Variants in ZC3H14 observed in about 807,000 individuals in gnomAD.
The protein encoded by ZC3H14 is zinc finger CCCH domain-containing protein 14.
In ZC3H14, 31 loss-of-function variants were observed where a neutral mutation model predicts 92.4. The observed-to-expected ratio is 0.34, with a 90% CI of 0.25 to 0.45. The LOEUF (loss-of-function observed/expected upper bound fraction) is 0.45, where lower values mean the gene tolerates loss of function less well. Among genes scored for constraint, ZC3H14 ranks in the 20% least tolerant of loss-of-function variants. The pLI, the probability that ZC3H14 is intolerant of heterozygous loss-of-function variation, is 1.00. For missense variants in ZC3H14, 781 were observed against 897.3 expected (o/e 0.87, Z 1.66); for synonymous variants, 321 against 300.9 (o/e 1.07, Z -0.69).
At position 88,624,898 on chromosome 14, in the gene ZC3H14, T is replaced by G; in HGVS notation, c.*13147T>G. On this transcript the variant is annotated 3_prime_UTR_variant, in exon 17 of 17. Coordinates refer to ENST00000251038, the MANE Select transcript of ZC3H14 (RefSeq NM_024824.5). ...ACACTCTGTGTAGCCTAGAAACAAC[T>G]AGAATAATTAACTGCAAACCTCAGG... 1 of 1,550,216 alleles carries G rather than the reference T, an allele frequency of 6.5e-7. No individual in the cohort carries two copies. The highest frequency in any genetic ancestry group is 8.7e-7 in the Non-Finnish European group (1 of 1,143,584).
At chr14:88,571,005 G>A in intron 3 of ZC3H14, 79 bp from the exon 4 acceptor site, 2 of 1,154,058 alleles carry the variant, frequency 1.7e-6, no homozygotes, top group Non-Finnish European at 2.4e-6. Context: ...TGAATATAAT[G>A]TCATAAATTT....
At chr14:88,563,485 G>A in intron 1 of ZC3H14, 166 bp from the exon 2 acceptor site, 13 of 1,518,770 alleles carry the variant, frequency 8.6e-6, no homozygotes, top group Non-Finnish European at 1.1e-5. Flanking sequence ...GGCTGGAGCT[G>A]GAGTGGGGTG....
chr14:88,602,752 C>T (rs550185858), intron 11 of ZC3H14, 76 bp from the exon 12 acceptor site: 212 of 1,469,010 alleles, frequency 1.4e-4, no homozygotes, highest in South Asian at 4.4e-4. Context: ...GATAGTTCTG[C>T]TGAAGAGCAC....
At position 88,571,199 on chromosome 14, in the gene ZC3H14, C is replaced by T. The variant is rs77998055; in HGVS notation, c.235+75C>T. 3,393 of 1,347,538 alleles carry T rather than the reference C, an allele frequency of 2.5e-3. 74 individuals carry two copies. The African/African-American group carries it at 0.042, about 17-fold the overall frequency. 83.5% of individuals were successfully genotyped at this position (1,347,538 alleles called of 1,614,324 possible). ...TTTGTTTCTTTCTAAAGTCATAGTG[C>T]TTTGGGAAAAACCCATCAATTTCAA... On this transcript the variant is annotated intron_variant, in intron 4 of 16. Coordinates refer to ENST00000251038, the MANE Select transcript of ZC3H14 (RefSeq NM_024824.5).
intron 2 of ZC3H14, among the ~76,000 whole-genome samples, chr14:88,565,759 T>A (rs2079485956): frequency 6.6e-6 from 1 of 152,118 alleles, no homozygotes; most frequent in Admixed American, 6.6e-5. Context: ...AGAATACTCC[T>A]TTTTCAACTG....
In ZC3H14 at chr14:88,620,713, T is replaced by C. The variant is rs1351287399; in HGVS notation, c.*8962T>C. The C allele has an allele frequency of 7.0e-7, 1 of 1,420,760 alleles. No individual in the cohort carries two copies. The highest frequency in any genetic ancestry group is 9.2e-7 in the Non-Finnish European group (1 of 1,085,940). The allele number at this position is 1,420,760 out of a possible 1,614,324, so 88.0% of individuals were successfully genotyped here. On this transcript the variant is annotated 3_prime_UTR_variant, in exon 17 of 17. Transcript: ENST00000251038. This position sits in a 1 kb window ranked among gnomAD's most constrained non-coding sequence, Gnocchi z 4.3. ...GAAAATTTTACAAATGGAAGTTAAA[T>C]CAAGTATATACTAGAAACTCTATTC...
At chr14:88,568,202 G>T (rs2079944360) in intron 3 of ZC3H14, 49 bp downstream of exon 3, 1 of 1,481,102 alleles carries the variant, frequency 6.8e-7, no homozygotes, top group Non-Finnish European at 9.4e-7. Context: ...GCACAAGCCT[G>T]AGTTGATATT....
intron 9 of ZC3H14, among the ~76,000 whole-genome samples, chr14:88,582,731 T>C (rs1157648693): frequency 6.6e-6 from 1 of 152,200 alleles, no homozygotes; most frequent in Non-Finnish European, 1.5e-5. Context: ...TGGTGTCAGG[T>C]ACCTTTGCTG....
chr14:88,609,674 AAC>A, intron 14 of ZC3H14, 36 bp from the exon 15 acceptor site: 1 of 1,611,762 alleles, frequency 6.2e-7, no homozygotes, highest in Non-Finnish European at 8.5e-7. Context: ...GGGTTTTCCA[AAC>A]AGATTGGAGA....
In ZC3H14 at chr14:88,618,170, G is replaced by C. The variant is rs2088065352; in HGVS notation, c.*6419G>C. The C allele has an allele frequency of 6.9e-7, 1 of 1,445,288 alleles. No individual in the cohort carries two copies. Among genetic ancestry groups the C allele is most frequent in the Non-Finnish European group, 9.7e-7 (1 of 1,035,984 alleles). 89.5% of individuals were successfully genotyped at this position (1,445,288 alleles called of 1,614,324 possible). A position where few individuals can be genotyped will look rare whatever the true frequency, so the allele number is the denominator to read the frequency against. Reference sequence around the variant, plus strand: ...GAATGGCTCTAACAGTTCAGAAATAGGATTTTCTAACTGGCCTTCAAAGTC... The same window carrying C: ...GAATGGCTCTAACAGTTCAGAAATACGATTTTCTAACTGGCCTTCAAAGTC... On this transcript the variant is annotated 3_prime_UTR_variant, in exon 17 of 17. Coordinates refer to ENST00000251038, the MANE Select transcript of ZC3H14 (RefSeq NM_024824.5).
At chr14:88,611,367 T>C (rs2086711390) in intron 16 of ZC3H14, among the ~76,000 whole-genome samples, 1 of 152,156 alleles carries the variant, frequency 6.6e-6, no homozygotes, top group East Asian at 1.9e-4. Flanking sequence ...AGTACCAGGA[T>C]TACAGGCATG....
intron 9 of ZC3H14, chr14:88,589,708 C>G (rs1270884978): frequency 2.0e-5 from 3 of 152,218 alleles, no homozygotes; most frequent in African/African-American, 7.2e-5. Flanking sequence ...TTTTTTCTCT[C>G]CTTCTCCTTT....
intron 9 of ZC3H14, chr14:88,591,091 A>G (rs1366356018): frequency 6.6e-6 from 1 of 152,220 alleles, no homozygotes; most frequent in Non-Finnish European, 1.5e-5. Context: ...GTATACCAAT[A>G]TATGTATTTT....
chr14:88,575,693 A>T, intron 7 of ZC3H14, 147 bp from the exon 8 acceptor site: 1 of 620,440 alleles, frequency 1.6e-6, no homozygotes, highest in Non-Finnish European at 2.8e-6. Context: ...AAAAAAAATA[A>T]GGTTCCAGTG....
chr14:88,584,979 G>A (rs983385287), intron 9 of ZC3H14, among the ~76,000 whole-genome samples: 1 of 152,132 alleles, frequency 6.6e-6, no homozygotes, highest in African/African-American at 2.4e-5. Flanking sequence ...AAAAATGTAT[G>A]AAGCTGCCAC....
intron 9 of ZC3H14, among the ~76,000 whole-genome samples, chr14:88,593,248 G>A (rs1184348010): frequency 2.0e-5 from 3 of 152,178 alleles, no homozygotes; most frequent in African/African-American, 7.2e-5. Context: ...TTACAGGCAT[G>A]AGTCACCACG....
chr14:88,570,645 T>C (rs2080266698), intron 3 of ZC3H14, among the ~76,000 whole-genome samples: 1 of 152,232 alleles, frequency 6.6e-6, no homozygotes, highest in South Asian at 2.1e-4. Flanking sequence ...ACATATTTTG[T>C]AGACTAAGAC....
chr14:88,626,874 G>A lies in ZC3H14; in HGVS notation c.*15123G>A. 1.2e-6 allele frequency: 2 copies of A among 1,613,838 alleles called. No homozygotes were observed. Among genetic ancestry groups the A allele is most frequent in the East Asian group, 2.2e-5 (1 of 44,870 alleles). On this transcript the variant is annotated 3_prime_UTR_variant, in exon 17 of 17. Coordinates refer to ENST00000251038, the MANE Select transcript of ZC3H14 (RefSeq NM_024824.5). Reference sequence around the variant, plus strand: ...CAATAGCGAGCATGGTCTGCATCCGGGCATCTTCCAGTGTGCTCAGTAGCC... The same window carrying A: ...CAATAGCGAGCATGGTCTGCATCCGAGCATCTTCCAGTGTGCTCAGTAGCC...
At chr14:88,606,747 TAA>T (rs34408574) in intron 12 of ZC3H14, among the ~76,000 whole-genome samples, 42 of 95,870 alleles carry the variant, frequency 4.4e-4, no homozygotes, top group Middle Eastern at 5.9e-3. Flanking sequence ...GACCCTGTCG[TAA>T]AAAAAAAAAA....
Sources: gnomAD v4.1 joint callset for allele counts (sites outside exome capture counted in the v4.1 genomes callset) on GRCh38, gnomAD v4.1.1 for gene constraint, Gnocchi (gnomAD v3.1) non-coding constraint, MANE v1.5 for transcripts, NCBI Gene and HGNC (gene_info 2026-07-23, HGNC 2026-07-21) for gene names.